The following CTPS1 variants were observed in gnomAD, a reference collection of about 807,000 sequenced individuals.
CTPS1 encodes the protein CTP synthase 1.
In CTPS1, 25 loss-of-function variants were observed where a neutral mutation model predicts 80.5. The observed-to-expected ratio is 0.31, with a 90% confidence interval of 0.23 to 0.43. The LOEUF (loss-of-function observed/expected upper bound fraction) is 0.43, where lower values mean the gene tolerates loss of function less well. Ranked by LOEUF, CTPS1 falls within the 20% of genes least tolerant of loss-of-function variation. The pLI, the probability that CTPS1 is intolerant of heterozygous loss-of-function variation, is 1.00. For synonymous variants in CTPS1, 267 were observed against 252.5 expected (o/e 1.06, Z -0.54); for missense variants, 442 against 725.7 (o/e 0.61, Z 4.49).
At position 40,984,848 on chromosome 1, in the gene CTPS1, G is replaced by T; in HGVS notation, c.194G>T (p.Gly65Val). 6.3e-7 allele frequency: 1 copy of T among 1,580,680 alleles called. No homozygotes were observed. Among genetic ancestry groups the T allele is most frequent in the African/African-American group, 1.3e-5 (1 of 74,346 alleles). Reference protein sequence around the residue: ...HGEVFVLDDGGEVDLDLGNYE... With the variant: ...HGEVFVLDDGVEVDLDLGNYE... Reference sequence around the variant, plus strand: ...GAGGTTTTTGTGCTGGATGATGGTGGGGAAGTAGACCTTGACCTGGGTAAC... The same window carrying T: ...GAGGTTTTTGTGCTGGATGATGGTGTGGAAGTAGACCTTGACCTGGGTAAC... Residue 65 changes from glycine (G) to valine (V), a missense_variant, in exon 3 of 19, where the codon GGG becomes GTG. By Grantham distance (109) the Gly-to-Val change is moderately radical. Coordinates refer to ENST00000650070, the MANE Select transcript of CTPS1 (RefSeq NM_001905.4).
At chr1:41,010,430 G>C (rs746018504) in intron 18 of CTPS1, among the ~76,000 whole-genome samples, 176 bp downstream of exon 18, 2 of 152,206 alleles carry the variant, frequency 1.3e-5, no homozygotes, top group African/African-American at 4.8e-5. Context: ...GTCATTGTGG[G>C]TATCAAATGG....
At chr1:41,008,576 G>A in intron 14 of CTPS1, 83 bp from the exon 15 acceptor site, 1 of 1,456,966 alleles carries the variant, frequency 6.9e-7, no homozygotes, top group Non-Finnish European at 9.6e-7. Flanking sequence ...ATGATGAAAA[G>A]TAAAGCAGGA....
chr1:41,008,878 G>A lies in CTPS1; in HGVS notation c.1534G>A (p.Val512Met). 1 of 1,613,718 alleles carries A rather than the reference G, an allele frequency of 6.2e-7. No homozygotes were observed. Among genetic ancestry groups the A allele is most frequent in the Non-Finnish European group, 8.5e-7 (1 of 1,179,612 alleles). Reference sequence around the variant, plus strand: ...TGTTGAAGGAGAGAGAATGGAAATTGTGGAGTTAGAAGGTGATTATTCGGG... The same window carrying A: ...TGTTGAAGGAGAGAGAATGGAAATTATGGAGTTAGAAGGTGATTATTCGGG... ...QDVEGERMEI[V>M]ELEDHPFFVG... Residue 512 changes from valine (V) to methionine (M), a missense_variant, in exon 16 of 19, where the codon GTG (valine) becomes ATG (methionine). Around this residue, in one of 4 missense-constraint regions of CTPS1, gnomAD observed 321 missense variants for 467.2 expected, o/e 0.69. Coordinates refer to ENST00000650070, the MANE Select transcript of CTPS1 (RefSeq NM_001905.4).
chr1:40,986,514 C>T (rs990357957), intron 3 of CTPS1, among the ~76,000 whole-genome samples: 4 of 152,214 alleles, frequency 2.6e-5, no homozygotes, highest in African/African-American at 9.7e-5. Flanking sequence ...GTGATGAATT[C>T]TGACTTGAAT....
chr1:40,992,222 T>C (rs1236189374), intron 7 of CTPS1, among the ~76,000 whole-genome samples: 2 of 152,212 alleles, frequency 1.3e-5, no homozygotes, highest in Non-Finnish European at 2.9e-5. Context: ...AGCGAAGACA[T>C]AGTGTTGTCT....
At chr1:40,997,603 C>T in intron 9 of CTPS1, 77 bp downstream of exon 9, 1 of 1,487,858 alleles carries the variant, frequency 6.7e-7, no homozygotes, top group South Asian at 1.3e-5. Flanking sequence ...TGTGTCATAT[C>T]TGCTTTCTGT....
At chr1:40,992,986 G>A (rs1224163815) in intron 7 of CTPS1, among the ~76,000 whole-genome samples, 1 of 151,584 alleles carries the variant, frequency 6.6e-6, no homozygotes, top group Non-Finnish European at 1.5e-5. Context: ...GAGGGCGCCC[G>A]GCCTTAAAAA....
chr1:40,985,988 T>C (rs1642441285), intron 3 of CTPS1, among the ~76,000 whole-genome samples: 1 of 152,236 alleles, frequency 6.6e-6, no homozygotes, highest in African/African-American at 2.4e-5. Flanking sequence ...GTTTTGATCT[T>C]ACAGTTTGCT....
intron 11 of CTPS1, among the ~76,000 whole-genome samples, 155 bp downstream of exon 11, chr1:41,002,409 G>A (rs1397122806): frequency 6.6e-6 from 1 of 152,174 alleles, no homozygotes; most frequent in African/African-American, 2.4e-5. Flanking sequence ...TCTCTTTAGA[G>A]ACAAATTCAG....
rs1317037813 is a variant in CTPS1 at position 40,995,940 on chromosome 1, A to T, written c.744A>T (p.Ser248=). The T allele has an allele frequency of 6.2e-7, 1 of 1,614,176 alleles. No homozygotes were observed. The highest frequency in any genetic ancestry group is 1.7e-5 in the Admixed American group (1 of 60,014). Residue 248 remains serine (S), a synonymous_variant, in exon 8 of 19, where the codon TCA becomes TCT. Coordinates refer to ENST00000650070, the MANE Select transcript of CTPS1 (RefSeq NM_001905.4). The stretch of plus-strand genomic sequence containing the variant: ...AGGTGATCTGTGTCCACGATGTCTC[A>T]TCCATCTACCGAGTCCCCTTGTTGT... ...PEQVICVHDV[S]SIYRVPLLLE... is the part of the protein sequence containing the mutation.
chr1:40,987,600 C>T (rs1292142166), intron 4 of CTPS1, 128 bp downstream of exon 4: 9 of 586,148 alleles, frequency 1.5e-5, no homozygotes, highest in East Asian at 3.1e-5. Flanking sequence ...TGCAATGTGG[C>T]AGGTAAGGGC....
At chr1:40,985,974 A>G (rs936111010) in intron 3 of CTPS1, among the ~76,000 whole-genome samples, 8 of 152,210 alleles carry the variant, frequency 5.3e-5, no homozygotes, top group Admixed American at 2.0e-4. Flanking sequence ...TAGGAATTAG[A>G]ATGGTTTTGA....
chr1:41,005,001 C>A (rs1374517836), intron 12 of CTPS1, among the ~76,000 whole-genome samples: 1 of 151,274 alleles, frequency 6.6e-6, no homozygotes. Context: ...TGGTGGTGTG[C>A]GCCTGTAATC....
Position 41,009,546 on chromosome 1 carries a change from C to A in CTPS1, c.1648C>A (p.Arg550=). 1 of 1,614,076 alleles carries A rather than the reference C, an allele frequency of 6.2e-7. No homozygotes were observed. The highest frequency in any genetic ancestry group is 8.5e-7 in the Non-Finnish European group (1 of 1,180,002). ...TGGCCTCCTCCTGGCCTCTGTGGGG[C>A]GGCTCTCACATTACCTCCAGAAAGG... The part of the protein sequence containing the change: ...YFGLLLASVG[R]LSHYLQKGCR... Residue 550 remains arginine (R), a synonymous_variant, in exon 17 of 19, where the codon CGG becomes AGG. Transcript: ENST00000650070.
chr1:40,986,323 A>G (rs1173155164), intron 3 of CTPS1, among the ~76,000 whole-genome samples: 1 of 152,200 alleles, frequency 6.6e-6, no homozygotes, highest in East Asian at 1.9e-4. Flanking sequence ...AGGGCTACGA[A>G]GGCGTGGTTG....
At chr1:40,980,810 C>G (rs1440313187) in intron 1 of CTPS1, 1 of 152,466 alleles carries the variant, frequency 6.6e-6, no homozygotes, top group Non-Finnish European at 1.5e-5. Flanking sequence ...CCTTGCCTAC[C>G]TTTCCAGTTT....
rs1322740434 is a variant in CTPS1 at position 40,991,838 on chromosome 1, C to A, written c.713C>A (p.Pro238His). The A allele has an allele frequency of 6.2e-7, 1 of 1,613,306 alleles. No homozygotes were observed. The highest frequency in any genetic ancestry group is 1.7e-5 in the Admixed American group (1 of 60,016). Residue 238 changes from proline to histidine, a missense_variant, in exon 7 of 19, where the codon CCT (proline) becomes CAT (histidine). Transcript: ENST00000650070. Reference protein sequence around the residue: ...EKISMFCHVEPEQVICVHDVS... With the variant: ...EKISMFCHVEHEQVICVHDVS... Reference sequence around the variant, plus strand: ...ATATCAATGTTCTGCCATGTTGAGCCTGAACAAGTGAGTAGAAATTCCCAT... The same window carrying A: ...ATATCAATGTTCTGCCATGTTGAGCATGAACAAGTGAGTAGAAATTCCCAT...
chr1:40,991,779 C>T lies in CTPS1; in HGVS notation c.654C>T (p.Cys218=). The change falls in exon 7 of 19, where the codon TGC becomes TGT. Residue 218 remains cysteine, a synonymous_variant. Transcript: ENST00000650070. ...TCTACTGCTAGGTTGTATGCAGGTG[C>T]TCAAATCCACTTGACACATCAGTGA... is the stretch of plus-strand genomic sequence containing the variant. ...GLSPDLVVCR[C]SNPLDTSVKE... 2 of 1,613,750 alleles carry T rather than the reference C, an allele frequency of 1.2e-6. No individual in the cohort carries two copies. The highest frequency in any genetic ancestry group is 1.7e-6 in the Non-Finnish European group (2 of 1,179,670).
At chr1:40,999,312 A>G (rs1022191679) in intron 9 of CTPS1, among the ~76,000 whole-genome samples, 17 of 152,202 alleles carry the variant, frequency 1.1e-4, no homozygotes, top group African/African-American at 3.6e-4. Flanking sequence ...CCTGCCCACA[A>G]TTCCATGAAC....
Sources: gnomAD v4.1 joint callset for allele counts (sites outside exome capture counted in the v4.1 genomes callset) on GRCh38, gnomAD v4.1.1 for gene constraint, gnomAD v4.1.1 regional missense constraint, MANE v1.5 for transcripts, NCBI Gene and HGNC (gene_info 2026-07-23, HGNC 2026-07-21) for gene names.